Variants in LRRTM3 observed in about 807,000 individuals in gnomAD.
LRRTM3 encodes leucine-rich repeat transmembrane neuronal protein 3.
A neutral mutation model predicts 44.7 loss-of-function variants in LRRTM3; 24 were observed. The ratio of observed to expected loss-of-function variants is 0.54; its 90% CI spans 0.39 to 0.76. The LOEUF (loss-of-function observed/expected upper bound fraction) is 0.76, where lower values mean the gene tolerates loss of function less well. Ranked by LOEUF, LRRTM3 falls within the 30% of genes least tolerant of loss-of-function variation. LRRTM3 has a pLI of 0.00. For synonymous variants in LRRTM3, 277 were observed against 278.7 expected (o/e 0.99, Z 0.06); for missense variants, 587 against 702.2 (o/e 0.84, Z 1.85).
chr10:67,049,617 C>G (rs893015272), intron 2 of LRRTM3, among the ~76,000 whole-genome samples: 1 of 151,950 alleles, frequency 6.6e-6, no homozygotes, highest in Admixed American at 6.6e-5. Flanking sequence ...AAATAAACAA[C>G]AAAACTAAAA....
intron 2 of LRRTM3, among the ~76,000 whole-genome samples, chr10:66,952,890 A>G (rs1368888664): frequency 2.0e-5 from 3 of 152,076 alleles, no homozygotes; most frequent in African/African-American, 7.2e-5. Flanking sequence ...TAGCTAACCT[A>G]AGAGTCAAAA....
chr10:67,027,777 A>G (rs1261275408), intron 2 of LRRTM3, among the ~76,000 whole-genome samples: 3 of 152,162 alleles, frequency 2.0e-5, no homozygotes, highest in Admixed American at 6.6e-5. Flanking sequence ...TGCCTAGGAC[A>G]TATAATATGT....
chr10:67,024,991 G>A (rs1853264406), intron 2 of LRRTM3, among the ~76,000 whole-genome samples: 1 of 151,900 alleles, frequency 6.6e-6, no homozygotes, highest in South Asian at 2.1e-4. Context: ...TTAGCCAGGT[G>A]TGGTGGCGCA....
intron 2 of LRRTM3, among the ~76,000 whole-genome samples, chr10:66,947,457 A>G (rs1311254619): frequency 6.6e-6 from 1 of 152,182 alleles, no homozygotes; most frequent in East Asian, 1.9e-4. Flanking sequence ...TGCTTCTTCT[A>G]CATAACTTTA....
intron 2 of LRRTM3, among the ~76,000 whole-genome samples, chr10:67,071,591 T>C (rs1856468759): frequency 1.3e-5 from 2 of 152,126 alleles, no homozygotes; most frequent in Non-Finnish European, 1.5e-5. Flanking sequence ...CTATGAATGT[T>C]TTTATTGTAT....
chr10:66,945,612 C>CTT (rs1564786281), intron 2 of LRRTM3, among the ~76,000 whole-genome samples: 1 of 152,162 alleles, frequency 6.6e-6, no homozygotes, highest in Non-Finnish European at 1.5e-5. Flanking sequence ...TCTTCAAGAA[C>CTT]TTTTCCTTTG....
intron 2 of LRRTM3, among the ~76,000 whole-genome samples, chr10:66,935,200 T>C (rs768243766): frequency 4.6e-5 from 7 of 152,240 alleles, no homozygotes; most frequent in Non-Finnish European, 1.0e-4. Context: ...ACAAGAGCTT[T>C]AAAGGAAACT....
chr10:67,079,780 G>A (rs753485193), intron 2 of LRRTM3, among the ~76,000 whole-genome samples: 4 of 151,698 alleles, frequency 2.6e-5, no homozygotes, highest in Non-Finnish European at 4.4e-5. Context: ...CCCGGGAGGC[G>A]GATGTTGCAG....
At chr10:67,092,260 C>T (rs569552383) in intron 2 of LRRTM3, among the ~76,000 whole-genome samples, 3 of 151,884 alleles carry the variant, frequency 2.0e-5, no homozygotes, top group South Asian at 2.1e-4. Flanking sequence ...GGGAAGATTT[C>T]CCCTGTGATA....
chr10:66,928,288 A>G lies in LRRTM3; in HGVS notation c.1372A>G (p.Met458Val), dbSNP rs772869710. ...SMKQLQQRSL[M>V]RRHRKKKRQS... ...GAAGCAGCTGCAGCAGCGCTCCCTC[A>G]TGCGAAGGCACAGGAAAAAGAAAAG... Residue 458 changes from methionine (M) to valine (V), a missense_variant, in exon 2 of 3, where the codon ATG (methionine) becomes GTG (valine). Physicochemically the swap from Met to Val is conservative, Grantham distance 21. Coordinates refer to ENST00000361320, the MANE Select transcript of LRRTM3 (RefSeq NM_178011.5). 5 of 1,614,176 alleles carry G rather than the reference A, an allele frequency of 3.1e-6. No homozygotes were observed. The highest frequency in any genetic ancestry group is 2.2e-5 in the East Asian group (1 of 44,868).
chr10:67,053,543 T>C (rs1855243708), intron 2 of LRRTM3, among the ~76,000 whole-genome samples: 3 of 152,178 alleles, frequency 2.0e-5, no homozygotes, highest in Admixed American at 1.3e-4. Flanking sequence ...GCATTAAAAA[T>C]AGTTCCTCCA....
chr10:66,958,847 T>A (rs1848971928), intron 2 of LRRTM3, among the ~76,000 whole-genome samples: 1 of 152,050 alleles, frequency 6.6e-6, no homozygotes, highest in African/African-American at 2.4e-5. Flanking sequence ...AGAGCTAAGG[T>A]TTGAGATTTA....
chr10:66,961,377 C>T (rs543941832), intron 2 of LRRTM3, among the ~76,000 whole-genome samples: 18 of 152,302 alleles, frequency 1.2e-4, no homozygotes, highest in Non-Finnish European at 1.9e-4. Flanking sequence ...CCTCCTCTTA[C>T]TTGAACTGTC....
chr10:66,987,391 A>G (rs974129154), intron 2 of LRRTM3, among the ~76,000 whole-genome samples: 6 of 152,156 alleles, frequency 3.9e-5, no homozygotes, highest in African/African-American at 1.4e-4. Flanking sequence ...GTAGAGGTGA[A>G]ATGATTTCTT....
rs979351640 is a variant in LRRTM3, at chr10:66,926,562, C to T, written c.-22C>T. ...TAAGCCAAAGCAAAAGACCTAAGGA[C>T]GACCTTTGAACAATACAAAGGATGG... On this transcript the variant is annotated 5_prime_UTR_variant, in exon 1 of 3. The change creates a new upstream start codon in the 5' untranslated region. Transcript: ENST00000361320. 1.2e-6 allele frequency: 2 copies of T among 1,613,688 alleles called. No homozygotes were observed. Among genetic ancestry groups the T allele is most frequent in the Non-Finnish European group, 1.7e-6 (2 of 1,179,910 alleles).
chr10:66,996,776 A>G (rs1260409721), intron 2 of LRRTM3, among the ~76,000 whole-genome samples: 2 of 151,872 alleles, frequency 1.3e-5, no homozygotes, highest in Non-Finnish European at 2.9e-5. Context: ...GGGTATGTGC[A>G]AAAATATTAT....
At position 67,061,493 on chromosome 10, in the gene LRRTM3, T is replaced by C. The variant is rs544133653; in HGVS notation, c.1537-36094T>C. Among the ~76,000 whole-genome samples, 12 of 152,334 alleles carry C rather than the reference T, an allele frequency of 7.9e-5. No individual in the cohort carries two copies. In the South Asian group the frequency reaches 2.3e-3, roughly 29 times the overall value. On this transcript the variant is annotated intron_variant, in intron 2 of 2. Transcript: ENST00000361320. ...TCTCCATACCATTTGGCTCTTCTTA[T>C]CTCTGTTCTGCATCTTTAGCTGGAG... is the stretch of plus-strand genomic sequence containing the variant.
intron 2 of LRRTM3, among the ~76,000 whole-genome samples, chr10:66,990,292 G>A (rs1371217531): frequency 6.6e-6 from 1 of 152,110 alleles, no homozygotes. Flanking sequence ...CTGTGGCCAG[G>A]TGAAGGGACT....
At chr10:67,062,313 C>A (rs1338137680) in intron 2 of LRRTM3, among the ~76,000 whole-genome samples, 1 of 152,152 alleles carries the variant, frequency 6.6e-6, no homozygotes, top group African/African-American at 2.4e-5. Flanking sequence ...AAATCACTTA[C>A]TAAAAATGTC....
Sources: allele counts gnomAD v4.1 joint callset (sites outside exome capture counted in the v4.1 genomes callset), GRCh38; gene constraint gnomAD v4.1.1; transcripts MANE v1.5; gene names NCBI Gene and HGNC (gene_info 2026-07-23, HGNC 2026-07-21).